The following ADGRL3 variants were observed in gnomAD, a reference collection of about 807,000 sequenced individuals.
The protein encoded by ADGRL3 is adhesion G protein-coupled receptor L3, also known as calcium-independent alpha-latrotoxin receptor 3.
In ADGRL3, 62 loss-of-function variants were observed where a neutral mutation model predicts 153.5. The ratio of observed to expected loss-of-function variants is 0.40; its 90% CI spans 0.33 to 0.50. The LOEUF is 0.50. ADGRL3 is among the 20% of genes least tolerant of loss of function. The pLI, the probability that ADGRL3 is intolerant of heterozygous loss-of-function variation, is 0.47. For missense variants in ADGRL3, 1,641 were observed against 1,859.4 expected (o/e 0.88, Z 2.16); for synonymous variants, 710 against 672.5 (o/e 1.06, Z -0.86).
At position 62,071,001 on chromosome 4, in the gene ADGRL3, T is replaced by A; in HGVS notation, c.*93T>A. 2 of 1,054,000 alleles carry A rather than the reference T, an allele frequency of 1.9e-6. No homozygotes were observed. The highest frequency in any genetic ancestry group is 2.7e-6 in the Non-Finnish European group (2 of 739,748). The allele number at this position is 1,054,000 out of a possible 1,614,324, so 65.3% of individuals were successfully genotyped here. ...GCAGTGGTAATAATGTGTGTACTCC[T>A]AAATCTTTATGCTGTCCTCTAAAGA... On this transcript the variant is annotated 3_prime_UTR_variant, in exon 27 of 27. Coordinates refer to ENST00000683033, the MANE Select transcript of ADGRL3 (RefSeq NM_001387552.1).
At chr4:61,443,949 G>A (rs2097553325) in intron 2 of ADGRL3, among the ~76,000 whole-genome samples, 1 of 152,116 alleles carries the variant, frequency 6.6e-6, no homozygotes, top group East Asian at 1.9e-4. Context: ...ATTTGATTTT[G>A]ATGCCTGAAT....
At chr4:61,510,909 T>C (rs1283495927) in intron 3 of ADGRL3, among the ~76,000 whole-genome samples, 2 of 152,216 alleles carry the variant, frequency 1.3e-5, no homozygotes, top group East Asian at 1.9e-4. Flanking sequence ...GGAATGTTTT[T>C]CCATTTGTTT....
Position 61,587,440 on chromosome 4 carries a change from G to GAAAAGAATATTAGAA in ADGRL3, c.473_473+1insAAAAGAATATTAGAA (p.Arg158_Cys159insLysGluTyrTer). 1 of 1,596,836 alleles carries GAAAAGAATATTAGAA rather than the reference G, an allele frequency of 6.3e-7. No homozygotes were observed. Among genetic ancestry groups the GAAAAGAATATTAGAA allele is most frequent in the Non-Finnish European group, 8.6e-7 (1 of 1,165,734 alleles). ...GATGCCTATAAGATTATGTCTCAAA[G>GAAAAGAATATTAGAA]GTATGATACTTCTAATATTCTTTTC... On this transcript the variant is annotated stop_gained and inframe_insertion and splice_region_variant. Coordinates refer to ENST00000683033, the MANE Select transcript of ADGRL3 (RefSeq NM_001387552.1). LOFTEE classifies it high-confidence loss of function.
intron 8 of ADGRL3, among the ~76,000 whole-genome samples, chr4:61,755,422 G>A (rs1200410153): frequency 6.6e-6 from 1 of 152,148 alleles, no homozygotes; most frequent in Non-Finnish European, 1.5e-5. Context: ...GTCTTCTTTT[G>A]AGAAGTGTCT....
At chr4:61,204,790 G>A (rs967123601) in intron 1 of ADGRL3, among the ~76,000 whole-genome samples, 15 of 151,902 alleles carry the variant, frequency 9.9e-5, no homozygotes, top group Non-Finnish European at 1.8e-4. Context: ...AGGCATCCCC[G>A]GCCTGAAGAG....
chr4:61,587,020 A>C, intron 4 of ADGRL3, among the ~76,000 whole-genome samples: 1 of 152,154 alleles, frequency 6.6e-6, no homozygotes, highest in Admixed American at 6.6e-5. Flanking sequence ...TAAAGATTTT[A>C]AGAAATAACT....
intron 8 of ADGRL3, among the ~76,000 whole-genome samples, chr4:61,749,721 T>G (rs2096727026): frequency 2.1e-5 from 3 of 146,124 alleles, no homozygotes; most frequent in East Asian, 2.0e-4. Context: ...GGGTGGGGGG[T>G]GGAGGGAGGG....
chr4:61,780,923 A>G (rs2097205913), intron 8 of ADGRL3, among the ~76,000 whole-genome samples: 1 of 152,246 alleles, frequency 6.6e-6, no homozygotes, highest in Non-Finnish European at 1.5e-5. Context: ...AACTAAGACT[A>G]TAAAATGTAA....
chr4:61,855,664 C>T (rs1217791390), intron 9 of ADGRL3, among the ~76,000 whole-genome samples: 1 of 151,974 alleles, frequency 6.6e-6, no homozygotes, highest in Non-Finnish European at 1.5e-5. Context: ...CTTAATAACT[C>T]ACCTTAAACC....
intron 5 of ADGRL3, among the ~76,000 whole-genome samples, chr4:61,615,430 G>A (rs1005898693): frequency 3.3e-5 from 5 of 151,904 alleles, no homozygotes; most frequent in Admixed American, 1.3e-4. Context: ...GAAGAAAAAC[G>A]CCTTGCAATA....
At chr4:61,518,697 TGTA>T (rs2098512332) in intron 4 of ADGRL3, among the ~76,000 whole-genome samples, 1 of 152,166 alleles carries the variant, frequency 6.6e-6, no homozygotes, top group Non-Finnish European at 1.5e-5. Flanking sequence ...CTTTCTGCCT[TGTA>T]GTGGTGGTTT....
intron 1 of ADGRL3, among the ~76,000 whole-genome samples, chr4:61,368,709 C>T (rs868419970): frequency 2.3e-4 from 35 of 152,140 alleles, no homozygotes; most frequent in African/African-American, 6.7e-4. Flanking sequence ...CTTGGCAATG[C>T]GGGCTCTTTT....
intron 4 of ADGRL3, among the ~76,000 whole-genome samples, chr4:61,585,669 CA>C (rs2098943544): frequency 6.6e-6 from 1 of 151,956 alleles, no homozygotes; most frequent in Non-Finnish European, 1.5e-5. Flanking sequence ...GTAAACGCTT[CA>C]TTTAAAATTT....
chr4:61,567,459 A>G (rs992827710), intron 4 of ADGRL3, among the ~76,000 whole-genome samples: 4 of 152,204 alleles, frequency 2.6e-5, no homozygotes, highest in African/African-American at 9.7e-5. Flanking sequence ...CCTTATAAAA[A>G]AGGCCTCAGA....
chr4:61,475,407 G>GT (rs1285826286), intron 2 of ADGRL3, among the ~76,000 whole-genome samples: 3 of 152,162 alleles, frequency 2.0e-5, no homozygotes, highest in Non-Finnish European at 1.5e-5. Context: ...GATTTATGGG[G>GT]TTTTTTTCCT....
At chr4:61,896,562 C>T (rs548060666) in intron 11 of ADGRL3, among the ~76,000 whole-genome samples, 43 of 151,994 alleles carry the variant, frequency 2.8e-4, no homozygotes, top group African/African-American at 9.9e-4. Flanking sequence ...CCTGCCTGTG[C>T]CATTTGCTCT....
intron 8 of ADGRL3, among the ~76,000 whole-genome samples, chr4:61,805,936 CAATT>C (rs1224967865): frequency 2.0e-5 from 3 of 152,130 alleles, no homozygotes; most frequent in Admixed American, 1.3e-4. Context: ...CAACACTTCT[CAATT>C]AAACAGAATT....
intron 8 of ADGRL3, among the ~76,000 whole-genome samples, chr4:61,750,796 GAAA>G (rs34825890): frequency 8.9e-4 from 109 of 121,940 alleles, no homozygotes; most frequent in Middle Eastern, 4.2e-3. Flanking sequence ...TCTCAAAAAA[GAAA>G]AAAAAAAAAA....
At chr4:61,767,054 G>A (rs1264864576) in intron 8 of ADGRL3, among the ~76,000 whole-genome samples, 5 of 151,436 alleles carry the variant, frequency 3.3e-5, no homozygotes, top group African/African-American at 9.8e-5. Context: ...TTGGCGTTGA[G>A]TGGGGTAAGG....
Sources: gnomAD v4.1 joint callset for allele counts (sites outside exome capture counted in the v4.1 genomes callset) on GRCh38, gnomAD v4.1.1 for gene constraint, MANE v1.5 for transcripts, NCBI Gene and HGNC (gene_info 2026-07-23, HGNC 2026-07-21) for gene names.